The following CLCN5 variants were observed in gnomAD, a reference collection of about 807,000 sequenced individuals.
CLCN5 encodes the protein H(+)/Cl(-) exchange transporter 5.
A neutral mutation model predicts 54.0 loss-of-function variants in CLCN5; 17 were observed. The ratio of observed to expected loss-of-function variants is 0.31; its 90% confidence interval spans 0.22 to 0.47. CLCN5 has a LOEUF of 0.47. Among genes scored for constraint, CLCN5 ranks in the 20% least tolerant of loss-of-function variants. The pLI, the probability that CLCN5 is intolerant of heterozygous loss-of-function variation, is 1.00. For missense variants in CLCN5, 448 were observed against 646.7 expected (o/e 0.69, Z 3.33); for synonymous variants, 222 against 233.0 (o/e 0.95, Z 0.43).
At chrX:49,939,156 G>A in intron 3 of CLCN5, among the ~76,000 whole-genome samples, 1 of 111,859 alleles carries the variant, frequency 8.9e-6, no homozygotes, top group East Asian at 2.8e-4. Flanking sequence ...TGGAAAGGAT[G>A]TGGAGAAATA....
intron 3 of CLCN5, among the ~76,000 whole-genome samples, chrX:49,970,525 C>A (rs1928154996): frequency 9.0e-6 from 1 of 111,340 alleles, no homozygotes; most frequent in Non-Finnish European, 1.9e-5. Context: ...AGTATGTGGT[C>A]TCCGCATAAT....
intron 3 of CLCN5, among the ~76,000 whole-genome samples, chrX:49,933,955 A>G (rs1322316382): frequency 9.0e-6 from 1 of 111,261 alleles, no homozygotes; most frequent in Non-Finnish European, 1.9e-5. Context: ...CAGATGTATA[A>G]TCTTGCAAAG....
At chrX:50,008,762 C>T (rs782785883) in intron 3 of CLCN5, among the ~76,000 whole-genome samples, 1 of 112,056 alleles carries the variant, frequency 8.9e-6, no homozygotes, top group South Asian at 3.8e-4. Context: ...TTACCACTGT[C>T]ACCCACAAAC....
intron 3 of CLCN5, among the ~76,000 whole-genome samples, chrX:50,006,504 G>A (rs1930155517): frequency 9.0e-6 from 1 of 111,614 alleles, no homozygotes; most frequent in Admixed American, 9.5e-5. Context: ...CAGGGACCCT[G>A]GTTTTACTGT....
At chrX:49,969,067 C>CCTTT (rs1214094719) in intron 3 of CLCN5, among the ~76,000 whole-genome samples, 2 of 109,943 alleles carry the variant, frequency 1.8e-5, no homozygotes, top group Non-Finnish European at 3.8e-5. Context: ...TGATTTGAAA[C>CCTTT]CTTTCTTTCT....
At chrX:50,056,684 A>G (rs374416519) in intron 4 of CLCN5, among the ~76,000 whole-genome samples, 1 of 111,689 alleles carries the variant, frequency 9.0e-6, no homozygotes, top group Admixed American at 9.5e-5. Context: ...AGATGCTGGG[A>G]ATAAGAGGAC....
At chrX:49,927,252 T>C (rs782364993) in intron 3 of CLCN5, among the ~76,000 whole-genome samples, 18 of 112,534 alleles carry the variant, frequency 1.6e-4, no homozygotes, top group African/African-American at 5.5e-4. Flanking sequence ...TATTTTACAA[T>C]AAAAACATTT....
At chrX:50,072,717 T>C in intron 6 of CLCN5, 129 bp downstream of exon 6, 1 of 532,922 alleles carries the variant, frequency 1.9e-6, no homozygotes, top group Non-Finnish European at 3.4e-6. Flanking sequence ...TGGTGAACCT[T>C]ATAGAAGCTC....
intron 4 of CLCN5, among the ~76,000 whole-genome samples, chrX:50,064,223 C>G (rs1374045471): frequency 2.7e-5 from 3 of 110,995 alleles, no homozygotes; most frequent in Non-Finnish European, 5.7e-5. Context: ...TCAAATTGTC[C>G]CTGTTTGCAG....
intron 3 of CLCN5, among the ~76,000 whole-genome samples, chrX:50,030,828 G>T: frequency 8.9e-6 from 1 of 112,198 alleles, no homozygotes; most frequent in East Asian, 2.8e-4. Flanking sequence ...TGTGATACCG[G>T]TCTTGCATTC....
chrX:49,925,613 T>A (rs1557167918), intron 3 of CLCN5, among the ~76,000 whole-genome samples: 1 of 111,975 alleles, frequency 8.9e-6, no homozygotes, highest in African/African-American at 3.2e-5. Context: ...AGACAGGATA[T>A]TTTTTCCCAT....
intron 3 of CLCN5, among the ~76,000 whole-genome samples, chrX:49,997,798 G>A (rs1351776864): frequency 9.1e-6 from 1 of 110,006 alleles, no homozygotes; most frequent in Non-Finnish European, 1.9e-5. Context: ...TGGGATTACA[G>A]GCATGAGCCA....
chrX:50,088,835 T>C lies in CLCN5; in HGVS notation c.1695T>C (p.Asp565=). ...ATAGCTGGTGTAGTCAGGGAGCTGA[T>C]TGCATCACCCCCGGCCTTTATGCAA... The part of the protein sequence containing the change: ...VFNSWCSQGA[D]CITPGLYAMV... Residue 565 remains aspartate, a synonymous_variant, in exon 12 of 15, where the codon GAT becomes GAC. Coordinates refer to ENST00000376091, the MANE Select transcript of CLCN5 (RefSeq NM_001127898.4). 2 of 1,211,713 alleles carry C rather than the reference T, an allele frequency of 1.7e-6. No homozygotes were observed. The highest frequency in any genetic ancestry group is 2.2e-6 in the Non-Finnish European group (2 of 895,398).
At position 50,083,953 on chromosome X, in the gene CLCN5, AAG is replaced by A. The variant is rs782753563; in HGVS notation, c.934-2024_934-2023del. 4.1e-4 allele frequency among the ~76,000 whole-genome samples: 46 copies of A among 112,298 alleles called. 1 individual carries two copies. The highest frequency in any genetic ancestry group is 3.9e-3 in the East Asian group (14 of 3,596). The stretch of plus-strand genomic sequence containing the variant: ...TTGTTCAAATAGTTTCTAATAAAAT[AAG>A]AGGGGAATTCGATTTGGCTGTTTCT... On this transcript the variant is annotated intron_variant, in intron 9 of 14. Coordinates refer to ENST00000376091, the MANE Select transcript of CLCN5 (RefSeq NM_001127898.4).
In CLCN5 at chrX:50,026,242, T is replaced by C. The variant is rs1557184989; in HGVS notation, c.17-16074T>C. On this transcript the variant is annotated intron_variant, in intron 3 of 14. Coordinates refer to ENST00000376091, the MANE Select transcript of CLCN5 (RefSeq NM_001127898.4). ...TTGTCCTCTGAGAGCATACTTTGCA[T>C]GATTTCTGTTCTTTTAAATTTGTTA... 3.6e-5 allele frequency among the ~76,000 whole-genome samples: 4 copies of C among 112,470 alleles called. No homozygotes were observed. In the East Asian group the frequency reaches 1.1e-3, roughly 31 times the overall value.
At position 50,086,469 on chromosome X, in the gene CLCN5, C is replaced by G; in HGVS notation, c.1156C>G (p.Leu386Val). The change falls in exon 11 of 15, where the codon CTC becomes GTC. Residue 386 changes from leucine to valine, a missense_variant. Physicochemically the swap from Leu to Val is conservative, Grantham distance 32 (BLOSUM62 1). Transcript: ENST00000376091. ...FYVEFHTPWH[L>V]FELVPFILLG... ...TGTGGAGTTTCACACCCCATGGCAT[C>G]TCTTTGAGCTCGTGCCATTCATTCT... 8.3e-7 allele frequency: 1 copy of G among 1,211,277 alleles called. No individual in the cohort carries two copies. Among genetic ancestry groups the G allele is most frequent in the Non-Finnish European group, 1.1e-6 (1 of 895,505 alleles).
At chrX:49,996,605 T>G (rs1472813291) in intron 3 of CLCN5, among the ~76,000 whole-genome samples, 2 of 112,516 alleles carry the variant, frequency 1.8e-5, no homozygotes, top group African/African-American at 6.5e-5. Context: ...TATTAAAACA[T>G]GTATTTTAAA....
At chrX:49,969,293 G>A (rs895099719) in intron 3 of CLCN5, among the ~76,000 whole-genome samples, 1 of 111,581 alleles carries the variant, frequency 9.0e-6, no homozygotes, top group Non-Finnish European at 1.9e-5. Context: ...GGCCAGGCTG[G>A]TCTCGAACTC....
At chrX:50,007,420 TC>T (rs1569538565) in intron 3 of CLCN5, among the ~76,000 whole-genome samples, 6,752 of 97,184 alleles carry the variant, frequency 0.069, 593 homozygotes, top group African/African-American at 0.3. Context: ...TCTCTCTCTC[TC>T]TCTCTCTCTC....
Sources: gnomAD v4.1 joint callset for allele counts (sites outside exome capture counted in the v4.1 genomes callset) on GRCh38, gnomAD v4.1.1 for gene constraint, MANE v1.5 for transcripts, NCBI Gene and HGNC (gene_info 2026-07-23, HGNC 2026-07-21) for gene names.